The following PCDHGA7 variants were observed in gnomAD, a reference collection of about 807,000 sequenced individuals.
The protein encoded by PCDHGA7 is protocadherin gamma-A7.
PCDHGA7 carries 44 observed loss-of-function variants against 58.3 expected under a neutral mutation model. That is an observed-to-expected ratio of 0.75 (90% CI 0.59 to 0.97). The LOEUF (loss-of-function observed/expected upper bound fraction) is 0.97. Ranked by LOEUF, PCDHGA7 falls within the 50% of genes least tolerant of loss-of-function variation. The pLI is 0.00. For missense variants in PCDHGA7, 1,266 were observed against 1,188.7 expected (o/e 1.06, Z -0.96); for synonymous variants, 516 against 504.2 (o/e 1.02, Z -0.31).
At chr5:141,439,796 G>C (rs980000701) in intron 1 of PCDHGA7, 4 of 152,318 alleles carry the variant, frequency 2.6e-5, no homozygotes, top group African/African-American at 9.6e-5. Flanking sequence ...AATCCAAGAA[G>C]AGTTTGAAAA....
intron 1 of PCDHGA7, chr5:141,393,579 C>A: frequency 6.2e-7 from 1 of 1,613,888 alleles, no homozygotes; most frequent in South Asian, 1.1e-5. Flanking sequence ...TGAGAACATG[C>A]CCCCAGGCAC....
At chr5:141,494,954 G>A in intron 2 of PCDHGA7, 89 bp downstream of exon 2, 2 of 1,601,116 alleles carry the variant, frequency 1.2e-6, no homozygotes. Context: ...CCCAGCATTT[G>A]CTACAGATGG....
intron 1 of PCDHGA7, chr5:141,409,818 C>G (rs1027344375): frequency 3.7e-6 from 6 of 1,610,800 alleles, no homozygotes; most frequent in African/African-American, 1.3e-5. Flanking sequence ...GACCACGGCT[C>G]GCCCACGCTC....
intron 1 of PCDHGA7, chr5:141,404,270 C>T (rs1359018673): frequency 5.0e-6 from 8 of 1,614,010 alleles, no homozygotes; most frequent in Non-Finnish European, 6.8e-6. Flanking sequence ...TCACATCACC[C>T]TGCAAGTGAC....
At position 141,426,439 on chromosome 5, in the gene PCDHGA7, G is replaced by C. The variant is rs149215795; in HGVS notation, c.2424+41116G>C. On this transcript the variant is annotated intron_variant, in intron 1 of 3. Transcript: ENST00000518325. ...GGGCTCCGTGGTGGGGAACCTTGCG[G>C]AGGACATGCGGCTGCATGTTCAGGA... 7.8e-4 allele frequency: 237 copies of C among 302,398 alleles called. 1 individual carries two copies. The highest frequency in any genetic ancestry group is 4.6e-3 in the African/African-American group (214 of 46,260). The allele number at this position is 302,398 out of a possible 1,614,324, so 18.7% of individuals were successfully genotyped here.
intron 2 of PCDHGA7, among the ~76,000 whole-genome samples, chr5:141,497,158 T>A (rs2099774560): frequency 6.6e-6 from 1 of 151,860 alleles, no homozygotes; most frequent in African/African-American, 2.4e-5. Flanking sequence ...AAAAATAATC[T>A]AGCCACAAAT....
At chr5:141,400,032 C>T (rs770927016) in intron 1 of PCDHGA7, 1 of 1,613,282 alleles carries the variant, frequency 6.2e-7, no homozygotes, top group Admixed American at 1.7e-5. Flanking sequence ...ACGCGGCCCG[C>T]CAGCGCCTGC....
Position 141,383,028 on chromosome 5 carries a change from C to A in PCDHGA7, c.129C>A (p.Ser43=), listed in dbSNP as rs1561593921. 1.4e-5 allele frequency: 23 copies of A among 1,613,814 alleles called. No homozygotes were observed. Among genetic ancestry groups the A allele is most frequent in the Non-Finnish European group, 1.9e-5 (22 of 1,179,902 alleles). The change falls in exon 1 of 4, where the codon TCC becomes TCA. Residue 43 remains serine (S), a synonymous_variant. Coordinates refer to ENST00000518325, the MANE Select transcript of PCDHGA7 (RefSeq NM_018920.4). ...TGTCGGAGGAGACGGACAAAGGGTCCTTTGTGGGAGACATCGCCAAGGACC... is the reference window on the plus strand; with the variant it reads ...TGTCGGAGGAGACGGACAAAGGGTCATTTGTGGGAGACATCGCCAAGGACC... ...YSVSEETDKG[S]FVGDIAKDLG...
intron 1 of PCDHGA7, chr5:141,421,168 A>G: frequency 1.5e-6 from 2 of 1,331,612 alleles, no homozygotes; most frequent in South Asian, 1.5e-5. Context: ...TCATAGATAC[A>G]TAAGCCGATT....
chr5:141,453,680 A>G (rs1466590010), intron 1 of PCDHGA7, among the ~76,000 whole-genome samples: 1 of 152,220 alleles, frequency 6.6e-6, no homozygotes, highest in Non-Finnish European at 1.5e-5. Context: ...GTAACACACT[A>G]TGTAGGTAGT....
chr5:141,403,377 T>G lies in PCDHGA7; in HGVS notation c.2424+18054T>G. 6.2e-7 allele frequency: 1 copy of G among 1,614,016 alleles called. No homozygotes were observed. The highest frequency in any genetic ancestry group is 8.5e-7 in the Non-Finnish European group (1 of 1,179,900). On this transcript the variant is annotated intron_variant, in intron 1 of 3. Transcript: ENST00000518325. ...CAGGCCGAAAGTCTGGAAGTAAAAA[T>G]TAACGAAATCGCGGTTCCTGGAGCA... is the stretch of plus-strand genomic sequence containing the variant.
chr5:141,400,566 A>G (rs754437274), intron 1 of PCDHGA7: 94 of 1,612,572 alleles, frequency 5.8e-5, no homozygotes, highest in Non-Finnish European at 7.7e-5. Flanking sequence ...TACCCACCCA[A>G]TTTTCTGTAT....
intron 1 of PCDHGA7, among the ~76,000 whole-genome samples, chr5:141,472,815 C>T (rs1562036829): frequency 1.3e-5 from 2 of 151,596 alleles, no homozygotes; most frequent in East Asian, 1.9e-4. Flanking sequence ...GAGAAACCCC[C>T]GTCTCTACTA....
chr5:141,400,880 T>C (rs919340566), intron 1 of PCDHGA7, among the ~76,000 whole-genome samples: 1 of 152,276 alleles, frequency 6.6e-6, no homozygotes, highest in Non-Finnish European at 1.5e-5. Flanking sequence ...TTAAATTTAA[T>C]GTATGTAATC....
intron 1 of PCDHGA7, chr5:141,411,426 A>T (rs115154023): frequency 6.6e-6 from 1 of 151,648 alleles, no homozygotes; most frequent in Non-Finnish European, 1.5e-5. Flanking sequence ...ACAACAACAA[A>T]AAAAAACATT....
At chr5:141,429,647 T>C (rs1430094173) in intron 1 of PCDHGA7, among the ~76,000 whole-genome samples, 2 of 152,272 alleles carry the variant, frequency 1.3e-5, no homozygotes, top group African/African-American at 4.8e-5. Flanking sequence ...TATATATTTC[T>C]TCCCAATTTA....
Position 141,476,036 on chromosome 5 carries a change from A to T in PCDHGA7, c.2425-18771A>T. ...ATGTCGGACTCGGCGCCCAGCGCCC[A>T]AGCGCTAACCCGCTGAAAGTTTCTC... On this transcript the variant is annotated intron_variant, in intron 1 of 3. Coordinates refer to ENST00000518325, the MANE Select transcript of PCDHGA7 (RefSeq NM_018920.4). This position sits in a 1 kb window ranked among gnomAD's most constrained non-coding sequence, Gnocchi z 7.6. 1.4e-6 allele frequency: 2 copies of T among 1,471,164 alleles called. No individual in the cohort carries two copies. The highest frequency in any genetic ancestry group is 1.8e-6 in the Non-Finnish European group (2 of 1,106,602). 91.1% of individuals were successfully genotyped at this position (1,471,164 alleles called of 1,614,324 possible).
chr5:141,421,216 T>G, intron 1 of PCDHGA7: 1 of 1,567,154 alleles, frequency 6.4e-7, no homozygotes, highest in Non-Finnish European at 8.6e-7. Flanking sequence ...GAATATCGGC[T>G]TAGAGCCTGC....
intron 1 of PCDHGA7, among the ~76,000 whole-genome samples, chr5:141,429,826 C>T (rs1211415098): frequency 2.6e-5 from 4 of 152,054 alleles, no homozygotes; most frequent in Non-Finnish European, 4.4e-5. Context: ...GGTCAGTTAC[C>T]CAGGAAAAGG....
Sources: allele counts gnomAD v4.1 joint callset (sites outside exome capture counted in the v4.1 genomes callset), GRCh38; gene constraint gnomAD v4.1.1; non-coding constraint Gnocchi (gnomAD v3.1); transcripts MANE v1.5; gene names NCBI Gene and HGNC (gene_info 2026-07-23, HGNC 2026-07-21).